SAMMSON: variants seen among roughly 807,000 people sequenced by gnomAD.
SAMMSON encodes survival associated mitochondrial melanoma specific oncogenic non-coding RNA.
intron 6 of SAMMSON, among the ~76,000 whole-genome samples, chr3:70,261,724 T>C (rs953909066): frequency 6.6e-6 from 1 of 152,158 alleles, no homozygotes; most frequent in Non-Finnish European, 1.5e-5. Flanking sequence ...AAGCCAAAAC[T>C]GCAAGTCATA....
chr3:70,110,641 C>T (rs1217332973), intron 4 of SAMMSON, among the ~76,000 whole-genome samples: 1 of 152,106 alleles, frequency 6.6e-6, no homozygotes, highest in Non-Finnish European at 1.5e-5. Flanking sequence ...GTAGGTCCAG[C>T]CACAACTCGA....
chr3:70,356,785 TA>T (rs1702832907), intron 8 of SAMMSON, among the ~76,000 whole-genome samples: 2 of 152,292 alleles, frequency 1.3e-5, no homozygotes, highest in Admixed American at 6.5e-5. Context: ...TCTCTCTTTC[TA>T]ATTTGCTGTG....
At chr3:70,403,371 G>A (rs1701155717) in intron 2 of SAMMSON, among the ~76,000 whole-genome samples, 1 of 152,176 alleles carries the variant, frequency 6.6e-6, no homozygotes, top group South Asian at 2.1e-4. Flanking sequence ...GGATTAACGT[G>A]AAAAGAGTGG....
At chr3:70,261,454 C>T (rs1701866448) in intron 6 of SAMMSON, among the ~76,000 whole-genome samples, 1 of 152,194 alleles carries the variant, frequency 6.6e-6, no homozygotes, top group South Asian at 2.1e-4. Flanking sequence ...TGCAACTTCC[C>T]TCCATGGTTG....
intron 4 of SAMMSON, among the ~76,000 whole-genome samples, chr3:70,147,659 A>G (rs1274646311): frequency 6.6e-6 from 1 of 152,094 alleles, no homozygotes; most frequent in Non-Finnish European, 1.5e-5. Context: ...TTAACTCAAA[A>G]TGGATCTTTC....
intron 4 of SAMMSON, among the ~76,000 whole-genome samples, chr3:70,184,918 A>G (rs759133547): frequency 6.6e-6 from 1 of 152,164 alleles, no homozygotes; most frequent in Non-Finnish European, 1.5e-5. Flanking sequence ...CTTTCCCTGT[A>G]AGACAGCGCT....
intron 4 of SAMMSON, among the ~76,000 whole-genome samples, chr3:70,173,759 T>G (rs549902815): frequency 6.6e-6 from 1 of 152,120 alleles, no homozygotes; most frequent in African/African-American, 2.4e-5. Context: ...ATATCTCTAT[T>G]TAGTTTTTTT....
At chr3:70,125,616 CT>C in intron 4 of SAMMSON, 1 of 699,472 alleles carries the variant, frequency 1.4e-6, no homozygotes, top group East Asian at 2.7e-5. Context: ...CTAAATCTTT[CT>C]TAAATGCAGC....
At chr3:70,006,375 C>G (rs971117795) in intron 1 of SAMMSON, among the ~76,000 whole-genome samples, 1 of 152,116 alleles carries the variant, frequency 6.6e-6, no homozygotes, top group Non-Finnish European at 1.5e-5. Context: ...TATTAAGGGC[C>G]CGCCCTTCCC....
chr3:70,194,849 C>A (rs894704865), intron 4 of SAMMSON, among the ~76,000 whole-genome samples: 1 of 151,998 alleles, frequency 6.6e-6, no homozygotes, highest in African/African-American at 2.4e-5. Flanking sequence ...TTCCAGAGAC[C>A]CCCAGGTGTT....
intron 2 of SAMMSON, among the ~76,000 whole-genome samples, chr3:70,411,011 A>G (rs1411453993): frequency 1.3e-5 from 2 of 152,216 alleles, no homozygotes; most frequent in East Asian, 3.8e-4. Context: ...CAAGAAGCCA[A>G]GTGCATTGAC....
At chr3:70,328,723 G>C (rs1205309323) in intron 7 of SAMMSON, among the ~76,000 whole-genome samples, 2 of 152,156 alleles carry the variant, frequency 1.3e-5, no homozygotes, top group Non-Finnish European at 2.9e-5. Flanking sequence ...CACCCAGAGA[G>C]TGATGCAGTG....
At chr3:70,355,676 C>T (rs182760772) in intron 8 of SAMMSON, among the ~76,000 whole-genome samples, 56 of 152,084 alleles carry the variant, frequency 3.7e-4, no homozygotes, top group African/African-American at 1.2e-3. Flanking sequence ...AGAAAATAGA[C>T]GGCAAGAAAT....
intron 7 of SAMMSON, among the ~76,000 whole-genome samples, chr3:70,341,405 TGAAA>T (rs1033936136): frequency 6.6e-6 from 1 of 152,090 alleles, no homozygotes; most frequent in African/African-American, 2.4e-5. Flanking sequence ...TTTTTCATGG[TGAAA>T]GAAAGATTGC....
intron 9 of SAMMSON, among the ~76,000 whole-genome samples, chr3:70,366,782 C>G (rs1416861530): frequency 2.6e-5 from 4 of 151,554 alleles, no homozygotes; most frequent in African/African-American, 9.7e-5. Context: ...TACCATTTTT[C>G]ATTCCCATGA....
chr3:70,103,485 A>G (rs2067353875), intron 4 of SAMMSON, among the ~76,000 whole-genome samples: 1 of 152,204 alleles, frequency 6.6e-6, no homozygotes, highest in African/African-American at 2.4e-5. Context: ...AAATTTGCAC[A>G]TCTATACATT....
intron 7 of SAMMSON, among the ~76,000 whole-genome samples, chr3:70,349,435 T>G (rs1015333780): frequency 1.3e-5 from 2 of 152,066 alleles, no homozygotes; most frequent in Non-Finnish European, 2.9e-5. Context: ...TGCCAGAGCA[T>G]GTAAGGCGGC....
intron 4 of SAMMSON, among the ~76,000 whole-genome samples, chr3:70,207,140 A>C (rs2106724946): frequency 6.6e-6 from 1 of 151,884 alleles, no homozygotes. Context: ...GAGTATTATT[A>C]ATCTGAGGAA....
At chr3:70,370,747 C>T (rs1702962360) in intron 9 of SAMMSON, among the ~76,000 whole-genome samples, 4 of 151,840 alleles carry the variant, frequency 2.6e-5, no homozygotes, top group Admixed American at 2.6e-4. Flanking sequence ...TTTGCAACTA[C>T]TTTCTTTCAT....
Sources: gnomAD v4.1 joint callset for allele counts (sites outside exome capture counted in the v4.1 genomes callset) on GRCh38, gnomAD v4.1.1 for gene constraint, MANE v1.5 for transcripts, NCBI Gene and HGNC (gene_info 2026-07-23, HGNC 2026-07-21) for gene names.